FNDC5: variants seen among roughly 807,000 people sequenced by gnomAD.
FNDC5 encodes fibronectin type III domain containing 5.
In FNDC5, 10 loss-of-function variants were observed where a neutral mutation model predicts 24.6. That is an observed-to-expected ratio of 0.41 (90% CI 0.25 to 0.69). The LOEUF is 0.69. FNDC5 is among the 30% of genes least tolerant of loss of function. The pLI is 0.34. For missense variants in FNDC5, 226 were observed against 282.9 expected, an observed-to-expected ratio of 0.80 and a Z score of 1.44; for synonymous variants, 90 against 110.7, an observed-to-expected ratio of 0.81 and a Z score of 1.18.
chr1:32,870,321 G>C (rs1052277346), intron 1 of FNDC5, among the ~76,000 whole-genome samples: 38 of 152,260 alleles, frequency 2.5e-4, no homozygotes, highest in Admixed American at 2.1e-3. Flanking sequence ...AGGCCCAGGT[G>C]GGGGAACTGG....
intron 4 of FNDC5, 108 bp from the exon 5 acceptor site, chr1:32,864,905 G>C (rs1557527647): frequency 2.0e-6 from 3 of 1,481,394 alleles, no homozygotes; most frequent in Non-Finnish European, 2.7e-6. Context: ...TACCTCACCT[G>C]TACTACTGCA....
At chr1:32,871,534 T>TATAG (rs1005349116), upstream of FNDC5, among the ~76,000 whole-genome samples, 3 of 152,230 alleles carry the variant, frequency 2.0e-5, no homozygotes, top group Non-Finnish European at 4.4e-5. Context: ...CCAGATACTA[T>TATAG]GCTGAGCTTT....
At chr1:32,866,266 T>C (rs1641069174) in intron 4 of FNDC5, among the ~76,000 whole-genome samples, 1 of 152,316 alleles carries the variant, frequency 6.6e-6, no homozygotes, top group East Asian at 1.9e-4. Flanking sequence ...CCTTTGTTTT[T>C]CCCTCATTTT....
chr1:32,864,649 A>T lies in FNDC5; in HGVS notation c.633+15T>A. 6.2e-7 allele frequency: 1 copy of T among 1,613,720 alleles called. No individual in the cohort carries two copies. Among genetic ancestry groups the T allele is most frequent in the African/African-American group, 1.3e-5 (1 of 75,034 alleles). The stretch of plus-strand genomic sequence containing the variant: ...GGCACAGGGTGGCCCACCCAGGCCC[A>T]GGTCTTGCCCTCACCTTGCTGCGGA... On this transcript the variant is annotated intron_variant, in intron 5 of 5. Coordinates refer to ENST00000373471, the MANE Select transcript of FNDC5 (RefSeq NM_153756.3).
In FNDC5 at chr1:32,862,924, G is replaced by T. The variant is rs1313029358; in HGVS notation, c.*1370C>A. Reference sequence around the variant, plus strand: ...CAAGATATGAAGACCCCAGAGGCCAGTGGTGATAGCCAGAGCTGCTCTTCC... The same window carrying T: ...CAAGATATGAAGACCCCAGAGGCCATTGGTGATAGCCAGAGCTGCTCTTCC... On this transcript the variant is annotated 3_prime_UTR_variant, in exon 6 of 6. Coordinates refer to ENST00000373471, the MANE Select transcript of FNDC5 (RefSeq NM_153756.3). 1 of 152,782 alleles carries T rather than the reference G, an allele frequency of 6.5e-6. No homozygotes were observed. Among genetic ancestry groups the T allele is most frequent in the Non-Finnish European group, 1.5e-5 (1 of 68,156 alleles). 9.5% of individuals were successfully genotyped at this position (152,782 alleles called of 1,614,324 possible).
intron 1 of FNDC5, among the ~76,000 whole-genome samples, chr1:32,869,685 G>A (rs1332572779): frequency 6.6e-6 from 1 of 152,174 alleles, no homozygotes; most frequent in Non-Finnish European, 1.5e-5. Flanking sequence ...GAACAGGTAG[G>A]GGAAGAGGAT....
rs962285718 is a variant in FNDC5 at position 32,863,875 on chromosome 1, G to T, written c.*419C>A. ...AGAAGAAGGAAGGGAGCAGCAGCAG[G>T]GCTGTAGCCTAAATAAGCCAAGCTC... On this transcript the variant is annotated 3_prime_UTR_variant, in exon 6 of 6. Coordinates refer to ENST00000373471, the MANE Select transcript of FNDC5 (RefSeq NM_153756.3). 3.1e-6 allele frequency: 4 copies of T among 1,305,770 alleles called. No homozygotes were observed. In the African/African-American group the frequency reaches 6.1e-5, roughly 20 times the overall value. 80.9% of individuals were successfully genotyped at this position (1,305,770 alleles called of 1,614,324 possible).
At chr1:32,864,326 T>C (rs749448885) in intron 5 of FNDC5, 27 bp from the exon 6 acceptor site, 4 of 1,613,544 alleles carry the variant, frequency 2.5e-6, no homozygotes, top group Non-Finnish European at 3.4e-6. Context: ...GAAATGAAGG[T>C]ACAGCGGTAA....
chr1:32,864,553 C>T (rs1641032620), intron 5 of FNDC5, 111 bp downstream of exon 5: 1 of 1,565,330 alleles, frequency 6.4e-7, no homozygotes, highest in Admixed American at 1.8e-5. Context: ...CCAAGTCTGG[C>T]TCTGCCCAGC....
At chr1:32,871,206 G>C (rs965050702), upstream of FNDC5, among the ~76,000 whole-genome samples, 2 of 151,678 alleles carry the variant, frequency 1.3e-5, no homozygotes, top group Admixed American at 6.6e-5. Context: ...CCAGGGTAGA[G>C]AGAGGACAAG....
At chr1:32,871,246 C>G (rs887096810), upstream of FNDC5, among the ~76,000 whole-genome samples, 1 of 151,812 alleles carries the variant, frequency 6.6e-6, no homozygotes, top group African/African-American at 2.4e-5. Context: ...TGTGCCCCCA[C>G]CCCTAAGCGC....
chr1:32,865,509 G>A (rs1460709562), intron 4 of FNDC5, among the ~76,000 whole-genome samples: 1 of 151,884 alleles, frequency 6.6e-6, no homozygotes, highest in African/African-American at 2.4e-5. Flanking sequence ...AATTAGCTGG[G>A]CGTGGTGGCA....
rs1641003323 is a variant in FNDC5 at position 32,863,590 on chromosome 1, C to T, written c.*704G>A. 1 of 792,314 alleles carries T rather than the reference C, an allele frequency of 1.3e-6. No homozygotes were observed. The highest frequency in any genetic ancestry group is 3.1e-5 in the Admixed American group (1 of 32,632). 49.1% of individuals were successfully genotyped at this position (792,314 alleles called of 1,614,324 possible). ...AGAATTTGGGTTTGTAGTGCAGCCTCCTTCATCTGACTAGGACAAGGAGAA... is the reference window on the plus strand; with the variant it reads ...AGAATTTGGGTTTGTAGTGCAGCCTTCTTCATCTGACTAGGACAAGGAGAA... On this transcript the variant is annotated 3_prime_UTR_variant, in exon 6 of 6. Transcript: ENST00000373471.
chr1:32,863,816 G>T lies in FNDC5; in HGVS notation c.*478C>A. On this transcript the variant is annotated 3_prime_UTR_variant, in exon 6 of 6. Transcript: ENST00000373471. ...ATGAGAGAAGCAGCCAGGCCTAATT[G>T]TGAATAGCCTTCTTGCAAGGCTGGA... 1.5e-6 allele frequency: 2 copies of T among 1,305,020 alleles called. No homozygotes were observed. The allele number at this position is 1,305,020 out of a possible 1,614,324, so 80.8% of individuals were successfully genotyped here. A position where few individuals can be genotyped will look rare whatever the true frequency, so the allele number is the denominator to read the frequency against.
chr1:32,870,637 C>T lies in FNDC5; in HGVS notation c.94+16G>A, dbSNP rs1268670012. On this transcript the variant is annotated intron_variant, in intron 1 of 5. Coordinates refer to ENST00000373471, the MANE Select transcript of FNDC5 (RefSeq NM_153756.3). ...AGCCTGCCCCGGCGCCGGCCCCCCGCCCCGGGCCCCCTTACCCGCCTGCAC... is the reference window on the plus strand; with the variant it reads ...AGCCTGCCCCGGCGCCGGCCCCCCGTCCCGGGCCCCCTTACCCGCCTGCAC... 1 of 1,203,770 alleles carries T rather than the reference C, an allele frequency of 8.3e-7. No individual in the cohort carries two copies. Among genetic ancestry groups the T allele is most frequent in the Admixed American group, 4.4e-5 (1 of 22,764 alleles). The allele number at this position is 1,203,770 out of a possible 1,614,324, so 74.6% of individuals were successfully genotyped here.
In FNDC5 at chr1:32,868,503, C is replaced by T. The variant is rs1201317711; in HGVS notation, c.211-115G>A. The T allele has an allele frequency of 3.5e-6, 4 of 1,144,950 alleles. No homozygotes were observed. Among genetic ancestry groups the T allele is most frequent in the Admixed American group, 2.4e-5 (1 of 41,036 alleles). The allele number at this position is 1,144,950 out of a possible 1,614,324, so 70.9% of individuals were successfully genotyped here. ...ACAATCTTCATCATTCCATCACCTC[C>T]GCTATCAATATCTCCATTTTACAGG... On this transcript the variant is annotated intron_variant, in intron 2 of 5. Transcript: ENST00000373471. The surrounding 1 kb of genome is among the most constrained non-coding windows in gnomAD (Gnocchi z 4.8).
chr1:32,868,369 A>G lies in FNDC5; in HGVS notation c.230T>C (p.Leu77Pro), dbSNP rs370511876. ...GGTGTTCACCTCCTGGATGAAGCGC[A>G]GCATCCGCACATCCTTCTTCTGCAG... The change falls in exon 3 of 6, where the codon CTG becomes CCG. Residue 77 changes from leucine (L) to proline (P), a missense_variant. Transcript: ENST00000373471. The surrounding 1 kb of genome is among the most constrained non-coding windows in gnomAD (Gnocchi z 4.8). The G allele has an allele frequency of 3.7e-6, 6 of 1,613,976 alleles. No homozygotes were observed. Among genetic ancestry groups the G allele is most frequent in the Non-Finnish European group, 5.1e-6 (6 of 1,179,990 alleles).
chr1:32,867,430 A>G (rs1168674552), intron 4 of FNDC5, among the ~76,000 whole-genome samples: 1 of 152,178 alleles, frequency 6.6e-6, no homozygotes, highest in East Asian at 1.9e-4. Flanking sequence ...CCCAGAAGAA[A>G]AAAAGGCTGT....
chr1:32,864,348 A>C, intron 5 of FNDC5, 49 bp from the exon 6 acceptor site: 2 of 1,609,548 alleles, frequency 1.2e-6, no homozygotes, highest in Admixed American at 3.4e-5. Context: ...GCACCTGCCC[A>C]AGGTCACAAG....
Sources: allele counts gnomAD v4.1 joint callset (sites outside exome capture counted in the v4.1 genomes callset), GRCh38; gene constraint gnomAD v4.1.1; non-coding constraint Gnocchi (gnomAD v3.1); transcripts MANE v1.5; gene names NCBI Gene and HGNC (gene_info 2026-07-23, HGNC 2026-07-21).